SRGAP1: variants seen among roughly 807,000 people sequenced by gnomAD.
The protein encoded by SRGAP1 is SLIT-ROBO Rho GTPase-activating protein 1.
In SRGAP1, 43 loss-of-function variants were observed where a neutral mutation model predicts 121.9. That is an observed-to-expected ratio of 0.35 (90% CI 0.28 to 0.46). The LOEUF is 0.46. Ranked by LOEUF, SRGAP1 falls within the 20% of genes least tolerant of loss-of-function variation. The pLI is 1.00. For synonymous variants in SRGAP1, 447 were observed against 485.4 expected, an observed-to-expected ratio of 0.92 and a Z score of 1.04; for missense variants, 1,102 against 1,350.9, an observed-to-expected ratio of 0.82 and a Z score of 2.89.
chr12:64,047,098 C>T (rs1218277969), intron 6 of SRGAP1, among the ~76,000 whole-genome samples: 1 of 152,030 alleles, frequency 6.6e-6, no homozygotes, highest in Non-Finnish European at 1.5e-5. Context: ...AAAAGTTGGA[C>T]TTTTGAAAGA....
At chr12:63,868,684 A>G (rs1048579536) in intron 1 of SRGAP1, among the ~76,000 whole-genome samples, 12 of 152,180 alleles carry the variant, frequency 7.9e-5, no homozygotes, top group Non-Finnish European at 1.5e-4. Flanking sequence ...TCTATGTGCA[A>G]TGGGGGAGTC....
intron 15 of SRGAP1, among the ~76,000 whole-genome samples, chr12:64,102,649 A>T (rs1186934261): frequency 1.3e-5 from 2 of 152,216 alleles, no homozygotes; most frequent in Non-Finnish European, 2.9e-5. Context: ...TGGCCGTTTC[A>T]TATGAATAGA....
chr12:64,127,565 G>A (rs1328844775), intron 19 of SRGAP1, 25 bp from the exon 20 acceptor site: 4 of 1,568,116 alleles, frequency 2.6e-6, no homozygotes, highest in South Asian at 2.4e-5. Flanking sequence ...AGTAAATTTT[G>A]TCTCCATTCC....
chr12:64,127,380 A>G (rs1254413526), intron 19 of SRGAP1, among the ~76,000 whole-genome samples: 1 of 152,208 alleles, frequency 6.6e-6, no homozygotes, highest in Non-Finnish European at 1.5e-5. Flanking sequence ...TCTTTTTTGT[A>G]TAACTGAAAT....
At chr12:64,026,739 G>C (rs747173047) in intron 4 of SRGAP1, among the ~76,000 whole-genome samples, 1 of 151,410 alleles carries the variant, frequency 6.6e-6, no homozygotes, top group Non-Finnish European at 1.5e-5. Context: ...GGTGATGCGC[G>C]CCTGTAATCC....
rs73319331 is a variant in SRGAP1 at position 64,047,956 on chromosome 12, A to G, written c.801+4381A>G. Among the ~76,000 whole-genome samples, 224 of 152,280 alleles carry G rather than the reference A, an allele frequency of 1.5e-3. 1 individual carries two copies. Among genetic ancestry groups the G allele is most frequent in the African/African-American group, 5.0e-3 (208 of 41,578 alleles). On this transcript the variant is annotated intron_variant, in intron 6 of 21. Transcript: ENST00000355086. ...GGTAAATGCGGTATTCATCACCTCA[A>G]GCATTTATCATTTCTTTTTGTTACA...
chr12:63,991,003 C>T (rs1166797981), intron 3 of SRGAP1, among the ~76,000 whole-genome samples: 3 of 152,162 alleles, frequency 2.0e-5, no homozygotes, highest in Non-Finnish European at 2.9e-5. Context: ...GTTTTCTAAT[C>T]GTTGTTACTA....
intron 1 of SRGAP1, among the ~76,000 whole-genome samples, chr12:63,875,968 A>G (rs1900016573): frequency 6.6e-6 from 1 of 152,216 alleles, no homozygotes; most frequent in African/African-American, 2.4e-5. Flanking sequence ...CATAACAATC[A>G]TGTTTATTGT....
chr12:63,889,832 C>T (rs1405916948), intron 1 of SRGAP1, among the ~76,000 whole-genome samples: 1 of 151,798 alleles, frequency 6.6e-6, no homozygotes, highest in African/African-American at 2.4e-5. Flanking sequence ...CACTTGACCC[C>T]GGGAGGCAGC....
chr12:63,913,200 T>C (rs1356834657), intron 1 of SRGAP1, among the ~76,000 whole-genome samples: 18 of 96,448 alleles, frequency 1.9e-4, no homozygotes, highest in African/African-American at 6.6e-4. Context: ...CCTTCTTTTT[T>C]TTTTTTTTTT....
intron 1 of SRGAP1, among the ~76,000 whole-genome samples, chr12:63,947,584 G>T (rs2032091078): frequency 6.6e-6 from 1 of 152,262 alleles, no homozygotes; most frequent in East Asian, 1.9e-4. Flanking sequence ...TCAAAAGTCA[G>T]TTGACTATGT....
Position 64,043,594 on chromosome 12 carries a change from T to C in SRGAP1, c.801+19T>C. 1 of 1,566,022 alleles carries C rather than the reference T, an allele frequency of 6.4e-7. No homozygotes were observed. The highest frequency in any genetic ancestry group is 2.3e-5 in the East Asian group (1 of 43,880). On this transcript the variant is annotated intron_variant, in intron 6 of 21. Transcript: ENST00000355086. ...AATTGATGTGAGTACTTGAAGTTTT[T>C]GTCTTTTCCATATTAAAATGAAATT...
chr12:64,159,468 CA>C lies in SRGAP1; in HGVS notation c.*16799del. 7.8e-6 allele frequency: 1 copy of C among 127,520 alleles called. No homozygotes were observed. The highest frequency in any genetic ancestry group is 1.8e-5 in the Non-Finnish European group (1 of 55,552). 7.9% of individuals were successfully genotyped at this position (127,520 alleles called of 1,614,324 possible). ...CAACAAAAGTGAAACTCCATCTCAA[CA>C]AACAAACAAACAAACAAACAGTAGC... On this transcript the variant is annotated 3_prime_UTR_variant, in exon 22 of 22. Transcript: ENST00000355086.
intron 1 of SRGAP1, among the ~76,000 whole-genome samples, chr12:63,939,286 G>A (rs1047279776): frequency 1.3e-5 from 2 of 152,008 alleles, no homozygotes; most frequent in Admixed American, 6.6e-5. Flanking sequence ...CTTAACGGGA[G>A]GATGTAAAGT....
At chr12:64,026,108 G>A (rs2034648301) in intron 4 of SRGAP1, among the ~76,000 whole-genome samples, 1 of 151,810 alleles carries the variant, frequency 6.6e-6, no homozygotes, top group Non-Finnish European at 1.5e-5. Context: ...TGAGCCATAT[G>A]AACCCCAATG....
At chr12:64,067,518 A>T (rs2035561875) in intron 8 of SRGAP1, among the ~76,000 whole-genome samples, 1 of 152,240 alleles carries the variant, frequency 6.6e-6, no homozygotes. Flanking sequence ...GAATTGGATT[A>T]TCCTAATGTT....
At chr12:63,886,435 AC>A (rs779519300) in intron 1 of SRGAP1, among the ~76,000 whole-genome samples, 1 of 149,380 alleles carries the variant, frequency 6.7e-6, no homozygotes, top group Non-Finnish European at 1.5e-5. Flanking sequence ...CAAAGTAAAA[AC>A]CCTTTTTTTT....
intron 1 of SRGAP1, among the ~76,000 whole-genome samples, chr12:63,963,280 T>C (rs1274124537): frequency 6.6e-6 from 1 of 152,178 alleles, no homozygotes; most frequent in Non-Finnish European, 1.5e-5. Flanking sequence ...CCATGGCATA[T>C]TTTTCTTCTT....
At chr12:64,124,298 A>G (rs1388121643) in intron 18 of SRGAP1, among the ~76,000 whole-genome samples, 2 of 152,202 alleles carry the variant, frequency 1.3e-5, no homozygotes, top group Admixed American at 6.5e-5. Flanking sequence ...TACAATGGCT[A>G]TTGCAGTAAA....
Sources: gnomAD v4.1 joint callset for allele counts (sites outside exome capture counted in the v4.1 genomes callset) on GRCh38, gnomAD v4.1.1 for gene constraint, MANE v1.5 for transcripts, NCBI Gene and HGNC (gene_info 2026-07-23, HGNC 2026-07-21) for gene names.